The following MYO3A variants were observed in gnomAD, a reference collection of about 807,000 sequenced individuals.
MYO3A encodes the protein myosin-IIIa.
MYO3A carries 180 observed loss-of-function variants against 192.7 expected under a neutral mutation model. The ratio of observed to expected loss-of-function variants is 0.93; its 90% confidence interval spans 0.83 to 1.06. The LOEUF is 1.06. Ranked by LOEUF, MYO3A falls within the 50% of genes least tolerant of loss-of-function variation. The pLI is 0.00. For missense variants in MYO3A, 1,896 were observed against 1,905.0 expected (o/e 1.00, Z 0.09); for synonymous variants, 628 against 645.3 (o/e 0.97, Z 0.41).
chr10:26,154,895 C>T, intron 25 of MYO3A, 72 bp downstream of exon 25: 2 of 1,233,244 alleles, frequency 1.6e-6, no homozygotes, highest in South Asian at 2.6e-5. Context: ...GATCAAAAGC[C>T]AGTAACACTA....
chr10:26,189,014 A>G (rs989882449), intron 31 of MYO3A, among the ~76,000 whole-genome samples: 3 of 151,382 alleles, frequency 2.0e-5, no homozygotes, highest in Admixed American at 6.6e-5. Context: ...GTTTTTTCCA[A>G]TTCTGTGAAG....
At chr10:26,133,219 C>G (rs1409582181) in intron 20 of MYO3A, among the ~76,000 whole-genome samples, 1 of 152,226 alleles carries the variant, frequency 6.6e-6, no homozygotes, top group African/African-American at 2.4e-5. Flanking sequence ...CTTTAAGTGT[C>G]AAAGCAGCCA....
At chr10:26,099,395 C>T (rs550984615) in intron 17 of MYO3A, among the ~76,000 whole-genome samples, 1 of 152,122 alleles carries the variant, frequency 6.6e-6, no homozygotes, top group Non-Finnish European at 1.5e-5. Flanking sequence ...AATTGAATAC[C>T]CTTTATTTCC....
chr10:26,040,404 A>C (rs143569923), intron 10 of MYO3A, among the ~76,000 whole-genome samples: 1 of 152,300 alleles, frequency 6.6e-6, no homozygotes, highest in East Asian at 1.9e-4. Context: ...CAATTGTTCA[A>C]GAACGATGTT....
intron 20 of MYO3A, among the ~76,000 whole-genome samples, chr10:26,137,911 T>C (rs1252530016): frequency 1.3e-5 from 2 of 152,152 alleles, no homozygotes; most frequent in Admixed American, 1.3e-4. Flanking sequence ...CAAACCCTGT[T>C]TTCTGTTGTT....
Position 26,045,159 on chromosome 10 carries a change from G to A in MYO3A, c.953+18627G>A, listed in dbSNP as rs71499379. Among the ~76,000 whole-genome samples the A allele has an allele frequency of 4.1e-3, 622 of 152,332 alleles. 1 individual carries two copies. The highest frequency in any genetic ancestry group is 6.0e-3 in the Non-Finnish European group (410 of 68,040). ...AGCCACCATCTGCCCAGCAAAGTGG[G>A]AAGGAGACCAATGTCCAGCTAAGTG... On this transcript the variant is annotated intron_variant, in intron 10 of 34. Coordinates refer to ENST00000642920, the MANE Select transcript of MYO3A (RefSeq NM_017433.5).
At chr10:26,196,801 T>C (rs1427004766) in intron 32 of MYO3A, among the ~76,000 whole-genome samples, 1 of 152,226 alleles carries the variant, frequency 6.6e-6, no homozygotes, top group East Asian at 1.9e-4. Context: ...TGTTTTATTT[T>C]TCATTTTTAT....
chr10:26,079,161 T>C (rs905474019), intron 14 of MYO3A, among the ~76,000 whole-genome samples: 5 of 152,212 alleles, frequency 3.3e-5, no homozygotes, highest in East Asian at 1.9e-4. Flanking sequence ...TTCTTAGGTC[T>C]ATTAGTAATT....
chr10:26,179,991 G>A (rs1390216295), intron 31 of MYO3A, among the ~76,000 whole-genome samples: 43 of 152,160 alleles, frequency 2.8e-4, no homozygotes, highest in Admixed American at 2.8e-3. Context: ...GCGGCACCAC[G>A]CCTGGCTACT....
At chr10:25,990,757 CGATGTTTGGTTTTTT>C (rs906804470) in intron 4 of MYO3A, among the ~76,000 whole-genome samples, 1 of 146,716 alleles carries the variant, frequency 6.8e-6, no homozygotes, top group Non-Finnish European at 1.5e-5. Flanking sequence ...TGAGAAGATG[CGATGTTTGGTTTTTT>C]GTCCTTGCCA....
intron 2 of MYO3A, among the ~76,000 whole-genome samples, chr10:25,945,255 T>C (rs1836762824): frequency 6.6e-6 from 1 of 152,112 alleles, no homozygotes; most frequent in Non-Finnish European, 1.5e-5. Context: ...TTCAGTCCCT[T>C]TAAATTCATT....
intron 18 of MYO3A, 59 bp from the exon 19 acceptor site, chr10:26,125,339 T>C: frequency 6.7e-7 from 1 of 1,493,490 alleles, no homozygotes; most frequent in Non-Finnish European, 9.3e-7. Context: ...CATTTTCATT[T>C]TTGGGGAGTG....
intron 2 of MYO3A, among the ~76,000 whole-genome samples, chr10:25,945,329 A>C (rs1249806851): frequency 6.6e-6 from 1 of 152,134 alleles, no homozygotes; most frequent in Non-Finnish European, 1.5e-5. Flanking sequence ...ACTTGAGAAA[A>C]ATGTGTATTC....
chr10:26,084,581 C>T (rs1318429562), intron 14 of MYO3A, among the ~76,000 whole-genome samples: 2 of 152,174 alleles, frequency 1.3e-5, no homozygotes, highest in Non-Finnish European at 2.9e-5. Context: ...CAGCTCACTG[C>T]AGTGTCTGAA....
chr10:26,102,682 T>C (rs960546889), intron 17 of MYO3A, among the ~76,000 whole-genome samples: 3 of 152,200 alleles, frequency 2.0e-5, no homozygotes, highest in Non-Finnish European at 2.9e-5. Flanking sequence ...ACCCTGTTTG[T>C]CTGGGTATCA....
chr10:26,098,903 T>C (rs918064872), intron 17 of MYO3A, among the ~76,000 whole-genome samples: 3 of 152,198 alleles, frequency 2.0e-5, no homozygotes, highest in Non-Finnish European at 4.4e-5. Context: ...GGGCTCTTTT[T>C]TGGTTCCATA....
chr10:25,942,418 ATC>A (rs1222700982), intron 2 of MYO3A, among the ~76,000 whole-genome samples: 9 of 152,214 alleles, frequency 5.9e-5, no homozygotes, highest in African/African-American at 2.2e-4. Context: ...GTGTACAAAT[ATC>A]TCTTTGAGCC....
At chr10:26,125,307 A>T (rs912550306) in intron 18 of MYO3A, 91 bp from the exon 19 acceptor site, 7 of 1,122,390 alleles carry the variant, frequency 6.2e-6, no homozygotes, top group Non-Finnish European at 9.3e-6. Flanking sequence ...AATTCATGTC[A>T]TTTGAAGAAG....
intron 6 of MYO3A, among the ~76,000 whole-genome samples, chr10:26,012,784 G>A (rs1232084511): frequency 6.6e-6 from 1 of 151,804 alleles, no homozygotes; most frequent in Non-Finnish European, 1.5e-5. Flanking sequence ...AATAGCCAAA[G>A]CAATCCTAAG....
Sources: allele counts gnomAD v4.1 joint callset (sites outside exome capture counted in the v4.1 genomes callset), GRCh38; gene constraint gnomAD v4.1.1; transcripts MANE v1.5; gene names NCBI Gene and HGNC (gene_info 2026-07-23, HGNC 2026-07-21).